FHIT: variants seen among roughly 807,000 people sequenced by gnomAD.
FHIT encodes the protein bis(5'-adenosyl)-triphosphatase.
In FHIT, 19 loss-of-function variants were observed where a neutral mutation model predicts 17.9. The observed-to-expected ratio is 1.06, with a 90% CI of 0.74 to 1.56. The LOEUF is 1.56. Ranked by LOEUF, FHIT falls within the 40% of genes most tolerant of loss-of-function variation. The probability of loss-of-function intolerance (pLI) is 0.00; values close to 1 mark genes in which losing one functional copy is unlikely to be tolerated. For missense variants in FHIT, 248 were observed against 189.2 expected (o/e 1.31, Z -1.82); for synonymous variants, 81 against 69.7 (o/e 1.16, Z -0.81).
Position 60,850,485 on chromosome 3 carries a change from A to G in FHIT, c.-110-28474T>C, listed in dbSNP as rs558359753. On this transcript the variant is annotated intron_variant, in intron 3 of 9. Transcript: ENST00000492590. ...CATTCCCACCAACTCACTCCATTAC[A>G]TTAATCTTTTATTTTGTTAATAGCT... Among the ~76,000 whole-genome samples, 24 of 152,122 alleles carry G rather than the reference A, an allele frequency of 1.6e-4. No homozygotes were observed. In the East Asian group the frequency reaches 4.1e-3, roughly 26 times the overall value.
intron 2 of FHIT, among the ~76,000 whole-genome samples, chr3:61,069,727 T>C (rs1167129929): frequency 3.3e-5 from 5 of 152,178 alleles, no homozygotes; most frequent in Non-Finnish European, 5.9e-5. Context: ...CCCCAGAATT[T>C]AGCACAGTGC....
chr3:60,780,922 C>A (rs531015010), intron 4 of FHIT, among the ~76,000 whole-genome samples: 6 of 152,294 alleles, frequency 3.9e-5, no homozygotes, highest in African/African-American at 1.4e-4. Context: ...ATCAGGGACT[C>A]TAGCCTTGCA....
intron 4 of FHIT, among the ~76,000 whole-genome samples, chr3:60,597,821 C>T (rs2038318547): frequency 6.6e-6 from 1 of 152,092 alleles, no homozygotes; most frequent in Non-Finnish European, 1.5e-5. Context: ...CCAAGCTATG[C>T]AATTTGTATG....
At chr3:60,264,784 C>G (rs771037858) in intron 5 of FHIT, among the ~76,000 whole-genome samples, 11 of 151,832 alleles carry the variant, frequency 7.2e-5, no homozygotes, top group Admixed American at 3.3e-4. Flanking sequence ...ATTAATGAGC[C>G]ACTTAAGGAA....
intron 5 of FHIT, among the ~76,000 whole-genome samples, chr3:60,342,482 T>A (rs1378345547): frequency 6.6e-6 from 1 of 152,202 alleles, no homozygotes; most frequent in African/African-American, 2.4e-5. Flanking sequence ...CATTTTAATG[T>A]TTAAATATAC....
chr3:59,962,450 C>T (rs540726641), intron 7 of FHIT, among the ~76,000 whole-genome samples: 103 of 152,224 alleles, frequency 6.8e-4, no homozygotes, highest in African/African-American at 2.4e-3. Context: ...TAACTCTAAG[C>T]ATAAATCAAA....
At chr3:59,750,910 TATTCACTA>T (rs1209666332) in intron 9 of FHIT, 3 of 195,540 alleles carry the variant, frequency 1.5e-5, no homozygotes, top group Non-Finnish European at 3.2e-5. Context: ...TAACAGCATT[TATTCACTA>T]ATTTTGTTTT....
chr3:60,414,186 G>A (rs988911879), intron 5 of FHIT, among the ~76,000 whole-genome samples: 5 of 152,120 alleles, frequency 3.3e-5, no homozygotes, highest in Non-Finnish European at 5.9e-5. Flanking sequence ...TCACATGGAG[G>A]GCTTGTTAAA....
At chr3:61,236,152 T>C (rs368441220) in intron 1 of FHIT, among the ~76,000 whole-genome samples, 18 of 148,636 alleles carry the variant, frequency 1.2e-4, no homozygotes, top group Admixed American at 2.0e-4. Context: ...ATATTTACTA[T>C]ATGTATTATA....
At chr3:61,054,370 T>C (rs890061440) in intron 2 of FHIT, among the ~76,000 whole-genome samples, 2 of 151,532 alleles carry the variant, frequency 1.3e-5, no homozygotes, top group African/African-American at 2.4e-5. Context: ...TCTTTTTTTT[T>C]CCAGAAAAAA....
At chr3:60,328,403 A>G (rs76225824) in intron 5 of FHIT, among the ~76,000 whole-genome samples, 1 of 152,240 alleles carries the variant, frequency 6.6e-6, no homozygotes, top group Non-Finnish European at 1.5e-5. Flanking sequence ...AGGCCTTACA[A>G]TCATGGAGGA....
chr3:60,519,364 C>A (rs2035274316), intron 5 of FHIT, among the ~76,000 whole-genome samples: 1 of 152,156 alleles, frequency 6.6e-6, no homozygotes, highest in Admixed American at 6.5e-5. Flanking sequence ...ATTAAAAACA[C>A]CAAATAGTTT....
At chr3:59,917,858 C>G (rs930800029) in intron 8 of FHIT, among the ~76,000 whole-genome samples, 3 of 152,230 alleles carry the variant, frequency 2.0e-5, no homozygotes, top group East Asian at 1.9e-4. Context: ...AATCCTACAT[C>G]TGTATTTGTT....
chr3:60,359,277 C>CTTTTT lies in FHIT; in HGVS notation c.103+177578_103+177582dup, dbSNP rs71089599. Among the ~76,000 whole-genome samples the CTTTTT allele has an allele frequency of 7.7e-4, 85 of 109,920 alleles. 1 individual carries two copies. Among genetic ancestry groups the CTTTTT allele is most frequent in the African/African-American group, 1.7e-3 (49 of 28,686 alleles). 72.1% of individuals were successfully genotyped at this position (109,920 alleles called of 152,430 possible). On this transcript the variant is annotated intron_variant, in intron 5 of 9. Coordinates refer to ENST00000492590, the MANE Select transcript of FHIT (RefSeq NM_002012.4). ...TATTATTACTTGAATATGAAAATATCTTTTTTTTTTTTTTTTTTTTTTGAG... is the reference window on the plus strand; with the variant it reads ...TATTATTACTTGAATATGAAAATATCTTTTTTTTTTTTTTTTTTTTTTTTTTTGAG...
intron 5 of FHIT, among the ~76,000 whole-genome samples, chr3:60,036,715 T>A (rs770756996): frequency 6.6e-6 from 1 of 152,152 alleles, no homozygotes; most frequent in Non-Finnish European, 1.5e-5. Flanking sequence ...TCAGGGTGCA[T>A]ACAAAGAGAG....
chr3:60,330,756 G>T (rs570433775), intron 5 of FHIT, among the ~76,000 whole-genome samples: 2 of 152,212 alleles, frequency 1.3e-5, no homozygotes, highest in Non-Finnish European at 2.9e-5. Context: ...GTTGTCTACA[G>T]AACGGGATTG....
At chr3:59,820,756 G>A (rs115257496) in intron 8 of FHIT, among the ~76,000 whole-genome samples, 1 of 152,166 alleles carries the variant, frequency 6.6e-6, no homozygotes, top group African/African-American at 2.4e-5. Flanking sequence ...ACAGAGGGTG[G>A]GGAAGGAAGA....
intron 4 of FHIT, among the ~76,000 whole-genome samples, chr3:60,682,091 C>G (rs2040763154): frequency 6.6e-6 from 1 of 152,052 alleles, no homozygotes; most frequent in African/African-American, 2.4e-5. Context: ...CCTGCCTCAG[C>G]CTCCCAAGTA....
At chr3:60,380,900 AG>A (rs1700772449) in intron 5 of FHIT, among the ~76,000 whole-genome samples, 1 of 152,208 alleles carries the variant, frequency 6.6e-6, no homozygotes, top group African/African-American at 2.4e-5. Flanking sequence ...TCCCAGTAAT[AG>A]TACATCTTCT....
Sources: allele counts gnomAD v4.1 joint callset (sites outside exome capture counted in the v4.1 genomes callset), GRCh38; gene constraint gnomAD v4.1.1; transcripts MANE v1.5; gene names NCBI Gene and HGNC (gene_info 2026-07-23, HGNC 2026-07-21).